ADAMTS9: variants seen among roughly 807,000 people sequenced by gnomAD.
The protein encoded by ADAMTS9 is ADAM metallopeptidase with thrombospondin type 1 motif 9.
Under a neutral mutation model 257.1 loss-of-function variants are expected in ADAMTS9, and 107 were observed. The ratio of observed to expected loss-of-function variants is 0.42; its 90% CI spans 0.36 to 0.49. The LOEUF (loss-of-function observed/expected upper bound fraction) is 0.49, where lower values mean the gene tolerates loss of function less well. Among genes scored for constraint, ADAMTS9 ranks in the 20% least tolerant of loss-of-function variants. The pLI is 0.03. For missense variants in ADAMTS9, 2,353 were observed against 2,469.1 expected, an observed-to-expected ratio of 0.95 and a Z score of 1.00; for synonymous variants, 982 against 880.9, an observed-to-expected ratio of 1.11 and a Z score of -2.03.
At chr3:64,552,169 G>A (rs976471882) in intron 30 of ADAMTS9, among the ~76,000 whole-genome samples, 4 of 152,168 alleles carry the variant, frequency 2.6e-5, no homozygotes, top group African/African-American at 7.2e-5. Context: ...TAAGTTACTT[G>A]CCCCAGGTCA....
chr3:64,612,910 G>T (rs1043041796), intron 22 of ADAMTS9, among the ~76,000 whole-genome samples: 1 of 152,162 alleles, frequency 6.6e-6, no homozygotes, highest in Admixed American at 6.5e-5. Context: ...GCTTATTTAT[G>T]AGAGGTGAGC....
At chr3:64,567,423 A>G (rs2083572094) in intron 29 of ADAMTS9, among the ~76,000 whole-genome samples, 1 of 152,200 alleles carries the variant, frequency 6.6e-6, no homozygotes, top group Non-Finnish European at 1.5e-5. Context: ...AGCAGCATTA[A>G]ATACAGAATG....
intron 29 of ADAMTS9, chr3:64,563,460 CATA>C (rs2083463409): frequency 6.6e-6 from 1 of 151,458 alleles, no homozygotes; most frequent in Non-Finnish European, 1.5e-5. Flanking sequence ...TGCAGAATCT[CATA>C]ATGTTTTAAT....
At chr3:64,650,867 C>CTTTT (rs35102734) in intron 9 of ADAMTS9, 150 bp downstream of exon 9, 3 of 477,310 alleles carry the variant, frequency 6.3e-6, no homozygotes, top group South Asian at 3.1e-5. Context: ...TGTCAGAGAG[C>CTTTT]TTTTTTTTTT....
intron 3 of ADAMTS9, among the ~76,000 whole-genome samples, chr3:64,679,005 A>G (rs749348832): frequency 2.1e-4 from 32 of 152,190 alleles, no homozygotes; most frequent in Non-Finnish European, 4.3e-4. Flanking sequence ...AAGTACTGGC[A>G]TTGTGATTTG....
intron 28 of ADAMTS9, chr3:64,589,068 T>C (rs2084212384): frequency 6.6e-6 from 1 of 152,222 alleles, no homozygotes; most frequent in African/African-American, 2.4e-5. Flanking sequence ...ATCATATTTA[T>C]AAAAAATACA....
chr3:64,681,654 C>G (rs1701759103), intron 2 of ADAMTS9, among the ~76,000 whole-genome samples: 1 of 152,184 alleles, frequency 6.6e-6, no homozygotes, highest in African/African-American at 2.4e-5. Context: ...AGCAAACCCC[C>G]CACCTCAGCC....
intron 28 of ADAMTS9, chr3:64,583,580 T>C (rs1230696444): frequency 6.6e-6 from 1 of 152,174 alleles, no homozygotes; most frequent in East Asian, 1.9e-4. Context: ...TCCTGGCCTC[T>C]ACCCACTAGA....
In ADAMTS9 at chr3:64,641,858, T is replaced by C; in HGVS notation, c.1846A>G (p.Asn616Asp). 1 of 1,614,142 alleles carries C rather than the reference T, an allele frequency of 6.2e-7. No homozygotes were observed. Among genetic ancestry groups the C allele is most frequent in the Non-Finnish European group, 8.5e-7 (1 of 1,180,012 alleles). ...CATTCTAGGACTTACTCTGGTCTGT[T>C]GCACTCTCGAATGGCTGTTTTGATG... Reference protein sequence around the residue: ...GGIKTAIRECNRPEPKNGGKY... With the variant: ...GGIKTAIRECDRPEPKNGGKY... The change falls in exon 12 of 40, where the codon AAC becomes GAC. Residue 616 changes from asparagine (N) to aspartate (D), a missense_variant. By Grantham distance (23) the Asn-to-Asp change is conservative (BLOSUM62 1). Coordinates refer to ENST00000498707, the MANE Select transcript of ADAMTS9 (RefSeq NM_182920.2).
At position 64,633,749 on chromosome 3, in the gene ADAMTS9, T is replaced by C; in HGVS notation, c.1987A>G (p.Asn663Asp). 1 of 1,613,710 alleles carries C rather than the reference T, an allele frequency of 6.2e-7. No homozygotes were observed. Among genetic ancestry groups the C allele is most frequent in the Non-Finnish European group, 8.5e-7 (1 of 1,179,966 alleles). The change falls in exon 13 of 40, where the codon AAC becomes GAC. Residue 663 changes from asparagine to aspartate, a missense_variant. Asn to Asp is a conservative substitution (Grantham distance 23, BLOSUM62 1). Transcript: ENST00000498707. ...ACATTGGGAAGCAGACCGTTGATGT[T>C]AAAATGCTTCCCGTCAAAGTGAGCA... ...QCAHFDGKHFNINGLLPNVRW... is the reference protein window; with the variant it reads ...QCAHFDGKHFDINGLLPNVRW...
chr3:64,613,074 T>A (rs1374786135), intron 22 of ADAMTS9, among the ~76,000 whole-genome samples: 1 of 152,128 alleles, frequency 6.6e-6, no homozygotes, highest in Non-Finnish European at 1.5e-5. Context: ...TGTTGTGAAT[T>A]TGTTCAAACA....
Position 64,533,318 on chromosome 3 carries a change from T to C in ADAMTS9, c.5614-48A>G, listed in dbSNP as rs1017537. ...GAGATTTTCAGTCCATGTGATGTCCTCAAAAAAGCAAAGGCAAAGGTGATA... is the reference window on the plus strand; with the variant it reads ...GAGATTTTCAGTCCATGTGATGTCCCCAAAAAAGCAAAGGCAAAGGTGATA... On this transcript the variant is annotated intron_variant, in intron 37 of 39. Transcript: ENST00000498707. The C allele has an allele frequency of 0.97, 1,465,330 of 1,512,194 alleles. 710,266 individuals carry two copies. Among genetic ancestry groups the C allele is most frequent in the East Asian group, 1 (44,321 of 44,322 alleles). The allele number at this position is 1,512,194 out of a possible 1,614,324, so 93.7% of individuals were successfully genotyped here. A position where few individuals can be genotyped will look rare whatever the true frequency, so the allele number is the denominator to read the frequency against.
In ADAMTS9 at chr3:64,546,948, G is replaced by A. The variant is rs764052034; in HGVS notation, c.4874C>T (p.Ser1625Leu). The stretch of plus-strand genomic sequence containing the variant: ...TTTGTAGCCTTTTCCACAGGTCACT[G>A]AGCACTGCAAAGACAGGGATTGAGA... ...VWITGEWSECSVTCGKGYKQR... is the reference protein window; with the variant it reads ...VWITGEWSECLVTCGKGYKQR... Residue 1625 changes from serine to leucine, a missense_variant, in exon 32 of 40, where the codon TCA becomes TTA. Ser to Leu is a moderately radical substitution (Grantham distance 145). Coordinates refer to ENST00000498707, the MANE Select transcript of ADAMTS9 (RefSeq NM_182920.2). The A allele has an allele frequency of 2.5e-6, 4 of 1,605,764 alleles. No homozygotes were observed. Among genetic ancestry groups the A allele is most frequent in the African/African-American group, 1.3e-5 (1 of 75,038 alleles).
At position 64,541,961 on chromosome 3, in the gene ADAMTS9, A is replaced by C; in HGVS notation, c.5074T>G (p.Ser1692Ala). 1 of 1,614,052 alleles carries C rather than the reference A, an allele frequency of 6.2e-7. No homozygotes were observed. The highest frequency in any genetic ancestry group is 1.1e-5 in the South Asian group (1 of 91,074). Residue 1692 changes from serine to alanine, a missense_variant, in exon 33 of 40, where the codon TCT (serine) becomes GCT (alanine). By Grantham distance (99) the Ser-to-Ala change is moderately conservative (BLOSUM62 1). This residue lies in a region of ADAMTS9 where 1,402 missense variants were observed against 1,441.4 expected (regional missense o/e 0.97). Transcript: ENST00000498707. ...RVGNWGSCSVSCGVGVMQRSV... is the reference protein window; with the variant it reads ...RVGNWGSCSVACGVGVMQRSV... Reference sequence around the variant, plus strand: ...CTCTGCATCACTCCAACACCACAAGACACTGAGCACTGTAAGACAAATGAG... The same window carrying C: ...CTCTGCATCACTCCAACACCACAAGCCACTGAGCACTGTAAGACAAATGAG...
At chr3:64,624,181 G>A (rs1700173241) in intron 16 of ADAMTS9, among the ~76,000 whole-genome samples, 1 of 151,410 alleles carries the variant, frequency 6.6e-6, no homozygotes, top group East Asian at 1.9e-4. Flanking sequence ...TTAGTGTATT[G>A]CACACTTGAA....
At chr3:64,559,678 T>A (rs548718162) in intron 30 of ADAMTS9, among the ~76,000 whole-genome samples, 15 of 152,300 alleles carry the variant, frequency 9.8e-5, no homozygotes, top group African/African-American at 3.6e-4. Flanking sequence ...TGCAAAGAAG[T>A]AAATTTTAGG....
At chr3:64,647,812 T>TA (rs1267617127) in intron 11 of ADAMTS9, 128 bp downstream of exon 11, 2 of 720,980 alleles carry the variant, frequency 2.8e-6, no homozygotes, top group Non-Finnish European at 4.2e-6. Flanking sequence ...ATCTGTCCTC[T>TA]AAAAAATATT....
At chr3:64,541,712 T>G in intron 33 of ADAMTS9, 92 bp from the exon 34 acceptor site, 1 of 1,559,064 alleles carries the variant, frequency 6.4e-7, no homozygotes, top group Non-Finnish European at 8.8e-7. Flanking sequence ...GCACTAAAAC[T>G]TTTTAGCAAA....
rs2082779471 is a variant in ADAMTS9 at position 64,516,698 on chromosome 3, C to A, written c.*429G>T. ...AATATCTTTTATACAACTCTTATAG[C>A]ACCTTGATGATGGCTAGATTGTTTT... On this transcript the variant is annotated 3_prime_UTR_variant, in exon 40 of 40. Transcript: ENST00000498707. 6.6e-6 allele frequency: 1 copy of A among 152,494 alleles called. No homozygotes were observed. The highest frequency in any genetic ancestry group is 2.4e-5 in the African/African-American group (1 of 41,420). 9.4% of individuals were successfully genotyped at this position (152,494 alleles called of 1,614,324 possible). A position where few individuals can be genotyped will look rare whatever the true frequency, so the allele number is the denominator to read the frequency against.
Sources: gnomAD v4.1 joint callset for allele counts (sites outside exome capture counted in the v4.1 genomes callset) on GRCh38, gnomAD v4.1.1 for gene constraint, gnomAD v4.1.1 regional missense constraint, MANE v1.5 for transcripts, NCBI Gene and HGNC (gene_info 2026-07-23, HGNC 2026-07-21) for gene names.